The following SLC26A7 variants were observed in gnomAD, a reference collection of about 807,000 sequenced individuals.
SLC26A7 encodes the protein anion exchange transporter.
Under a neutral mutation model 82.5 loss-of-function variants are expected in SLC26A7, and 59 were observed. The observed-to-expected ratio is 0.72, with a 90% CI of 0.58 to 0.89. The LOEUF (loss-of-function observed/expected upper bound fraction) is 0.89, where lower values mean the gene tolerates loss of function less well. SLC26A7 is among the 40% of genes least tolerant of loss of function. SLC26A7 has a pLI of 0.00. For synonymous variants in SLC26A7, 271 were observed against 274.3 expected (o/e 0.99, Z 0.12); for missense variants, 820 against 793.0 (o/e 1.03, Z -0.41).
chr8:91,379,416 A>G (rs1391254795), intron 15 of SLC26A7, among the ~76,000 whole-genome samples: 1 of 152,114 alleles, frequency 6.6e-6, no homozygotes, highest in Non-Finnish European at 1.5e-5. Flanking sequence ...ATCAAGATGT[A>G]TTATAAAGCT....
chr8:91,230,341 T>C (rs1366058851), intron 2 of SLC26A7, among the ~76,000 whole-genome samples: 3 of 152,224 alleles, frequency 2.0e-5, no homozygotes, highest in Non-Finnish European at 4.4e-5. Flanking sequence ...AGGCACTTTG[T>C]GGTTTAGCTT....
upstream of SLC26A7, among the ~76,000 whole-genome samples, chr8:91,247,066 G>C (rs1026430073): frequency 6.6e-6 from 1 of 152,192 alleles, no homozygotes; most frequent in East Asian, 1.9e-4. Flanking sequence ...GTGAGTAGAA[G>C]GTGGGAAGGG....
intron 15 of SLC26A7, among the ~76,000 whole-genome samples, chr8:91,380,753 A>G (rs1349197095): frequency 6.6e-6 from 1 of 152,198 alleles, no homozygotes; most frequent in Non-Finnish European, 1.5e-5. Flanking sequence ...TTGAAGATAC[A>G]CATATCCTGT....
At chr8:91,267,093 G>T (rs551080440) in intron 2 of SLC26A7, among the ~76,000 whole-genome samples, 4 of 151,972 alleles carry the variant, frequency 2.6e-5, no homozygotes, top group African/African-American at 9.6e-5. Context: ...AATCCTAACT[G>T]ATCATCGTGA....
intron 9 of SLC26A7, among the ~76,000 whole-genome samples, chr8:91,350,885 C>T (rs1813696202): frequency 6.6e-6 from 1 of 152,148 alleles, no homozygotes. Flanking sequence ...CAAACTGTTT[C>T]AGAGTAGCTG....
chr8:91,303,742 G>C (rs796435211), intron 4 of SLC26A7, among the ~76,000 whole-genome samples: 1 of 152,080 alleles, frequency 6.6e-6, no homozygotes, highest in South Asian at 2.1e-4. Context: ...ACATTTTCTT[G>C]CAAGTTTTAA....
rs540570040 is a variant in SLC26A7, at chr8:91,382,857, C to T, written c.1676-6481C>T. On this transcript the variant is annotated intron_variant, in intron 15 of 18. Transcript: ENST00000276609. Reference sequence around the variant, plus strand: ...ATAACTAAAATAGGTAATAGGCAAACGCTCTACTCTTCATTTTAAAATAAT... The same window carrying T: ...ATAACTAAAATAGGTAATAGGCAAATGCTCTACTCTTCATTTTAAAATAAT... Among the ~76,000 whole-genome samples, 20 of 152,256 alleles carry T rather than the reference C, an allele frequency of 1.3e-4. No homozygotes were observed. In the South Asian group the frequency reaches 1.9e-3, roughly 14 times the overall value.
intron 15 of SLC26A7, among the ~76,000 whole-genome samples, chr8:91,382,467 T>A (rs921421231): frequency 2.0e-5 from 3 of 152,234 alleles, no homozygotes; most frequent in Non-Finnish European, 4.4e-5. Context: ...CCAATCCAAA[T>A]TTTATACTTT....
chr8:91,311,695 G>T (rs747820260), intron 4 of SLC26A7, among the ~76,000 whole-genome samples: 2 of 152,094 alleles, frequency 1.3e-5, no homozygotes, highest in Admixed American at 6.6e-5. Flanking sequence ...ACAAAAAAAT[G>T]GTCTATGGTC....
chr8:91,377,872 T>C (rs764133441), intron 15 of SLC26A7, among the ~76,000 whole-genome samples: 24 of 152,134 alleles, frequency 1.6e-4, no homozygotes, highest in Non-Finnish European at 2.9e-4. Flanking sequence ...AGGTACTGGC[T>C]CTCTTCCCTC....
chr8:91,278,289 C>G (rs1298419240), intron 2 of SLC26A7, among the ~76,000 whole-genome samples: 1 of 151,910 alleles, frequency 6.6e-6, no homozygotes, highest in African/African-American at 2.4e-5. Flanking sequence ...TCTTGCAGAG[C>G]TGCAAGAGAC....
chr8:91,295,780 T>A, intron 4 of SLC26A7, 77 bp downstream of exon 4: 1 of 1,439,072 alleles, frequency 6.9e-7, no homozygotes, highest in South Asian at 1.4e-5. Context: ...TTATTTTTAT[T>A]CTTGTTCATG....
intron 4 of SLC26A7, among the ~76,000 whole-genome samples, chr8:91,305,596 C>T (rs1419608685): frequency 1.3e-5 from 2 of 152,134 alleles, no homozygotes; most frequent in African/African-American, 4.8e-5. Flanking sequence ...CCTAGCAGTT[C>T]TGACTTTCAT....
chr8:91,278,912 C>T lies in SLC26A7; in HGVS notation c.194-10224C>T, dbSNP rs191676712. Among the ~76,000 whole-genome samples, 1,131 of 151,756 alleles carry T rather than the reference C, an allele frequency of 7.5e-3. 9 individuals carry two copies. The highest frequency in any genetic ancestry group is 9.1e-3 in the Non-Finnish European group (618 of 67,900). ...ATATCTCCAATTCTCCTCCAAATCCCGACCCACCTTAGCTTCTGGTAACTA... is the reference window on the plus strand; with the variant it reads ...ATATCTCCAATTCTCCTCCAAATCCTGACCCACCTTAGCTTCTGGTAACTA... On this transcript the variant is annotated intron_variant, in intron 2 of 18. Transcript: ENST00000276609.
At chr8:91,316,680 C>A (rs935251921) in intron 4 of SLC26A7, among the ~76,000 whole-genome samples, 8 of 151,426 alleles carry the variant, frequency 5.3e-5, no homozygotes, top group African/African-American at 1.9e-4. Context: ...AGCATGACCT[C>A]TTTTGTTTCC....
Position 91,372,565 on chromosome 8 carries a change from T to A in SLC26A7, c.1675+2732T>A, listed in dbSNP as rs559071924. On this transcript the variant is annotated intron_variant, in intron 15 of 18. Transcript: ENST00000276609. Reference sequence around the variant, plus strand: ...TAGGTATGTGGATTTATTTCTGGATTCTCTATTCTGTTCCATTGATCTATG... The same window carrying A: ...TAGGTATGTGGATTTATTTCTGGATACTCTATTCTGTTCCATTGATCTATG... Among the ~76,000 whole-genome samples the A allele has an allele frequency of 1.3e-3, 191 of 152,050 alleles. 1 individual carries two copies. Among genetic ancestry groups the A allele is most frequent in the African/African-American group, 4.5e-3 (186 of 41,548 alleles).
rs1223499416 is a variant in SLC26A7 at position 91,224,654 on chromosome 8, T to TCTCA, written c.-34+5651_-34+5654dup. 3.9e-5 allele frequency among the ~76,000 whole-genome samples: 6 copies of TCTCA among 152,282 alleles called. No individual in the cohort carries two copies. In the East Asian group the frequency reaches 9.7e-4, roughly 25 times the overall value. On this transcript the variant is annotated intron_variant, in intron 2 of 5. Transcript: ENST00000522862. Reference sequence around the variant, plus strand: ...GTGTCTGACAAACCCTGTTGGAAGGTCTCACCCAGTTGGGTGGCACAGGGA... The same window carrying TCTCA: ...GTGTCTGACAAACCCTGTTGGAAGGTCTCACTCACCCAGTTGGGTGGCACAGGGA...
At chr8:91,255,107 G>A (rs1810765142) in intron 2 of SLC26A7, among the ~76,000 whole-genome samples, 1 of 152,064 alleles carries the variant, frequency 6.6e-6, no homozygotes, top group Non-Finnish European at 1.5e-5. Context: ...TGCATGACTT[G>A]CCATATAAGA....
chr8:91,362,318 G>A, intron 11 of SLC26A7, 35 bp from the exon 12 acceptor site: 1 of 1,524,928 alleles, frequency 6.6e-7, no homozygotes, highest in Non-Finnish European at 9.0e-7. Context: ...GAATTCCAAA[G>A]GATTCACAAC....
Sources: allele counts gnomAD v4.1 joint callset (sites outside exome capture counted in the v4.1 genomes callset), GRCh38; gene constraint gnomAD v4.1.1; transcripts MANE v1.5; gene names NCBI Gene and HGNC (gene_info 2026-07-23, HGNC 2026-07-21).